PDE4D: variants seen among roughly 807,000 people sequenced by gnomAD.
PDE4D encodes the protein 3',5'-cyclic-AMP phosphodiesterase 4D.
Under a neutral mutation model 87.4 loss-of-function variants are expected in PDE4D, and 24 were observed. The ratio of observed to expected loss-of-function variants is 0.27; its 90% CI spans 0.20 to 0.39. The LOEUF is 0.39. PDE4D is among the 10% of genes least tolerant of loss of function. The probability of loss-of-function intolerance (pLI) is 1.00; values close to 1 mark genes in which losing one functional copy is unlikely to be tolerated. For synonymous variants in PDE4D, 384 were observed against 383.2 expected, an observed-to-expected ratio of 1.00 and a Z score of -0.02; for missense variants, 714 against 1,041.0, an observed-to-expected ratio of 0.69 and a Z score of 4.32.
intron 1 of PDE4D, among the ~76,000 whole-genome samples, chr5:60,359,744 T>G (rs1390075364): frequency 6.6e-6 from 1 of 152,212 alleles, no homozygotes; most frequent in East Asian, 1.9e-4. Context: ...AAGCTGTTGT[T>G]GCACACTATC....
chr5:59,160,697 T>C (rs966884783), intron 5 of PDE4D, among the ~76,000 whole-genome samples: 2 of 152,154 alleles, frequency 1.3e-5, no homozygotes, highest in Non-Finnish European at 2.9e-5. Context: ...CCCTAAGTGC[T>C]TAGCACACCA....
chr5:59,055,100 T>C (rs1450141326), intron 5 of PDE4D, among the ~76,000 whole-genome samples: 1 of 152,130 alleles, frequency 6.6e-6, no homozygotes, highest in Admixed American at 6.5e-5. Flanking sequence ...AGATAGACCA[T>C]ATGAATGAAT....
intron 1 of PDE4D, among the ~76,000 whole-genome samples, chr5:59,757,029 C>T (rs1408041447): frequency 6.6e-6 from 1 of 151,986 alleles, no homozygotes; most frequent in Non-Finnish European, 1.5e-5. Flanking sequence ...AACTCCTGAC[C>T]TCAAGTGATC....
chr5:59,397,137 T>C (rs1789575820), intron 1 of PDE4D, among the ~76,000 whole-genome samples: 1 of 121,736 alleles, frequency 8.2e-6, no homozygotes, highest in African/African-American at 3.3e-5. Flanking sequence ...AATGGGAGAC[T>C]TTAACACCCC....
In PDE4D at chr5:59,042,594, CAG is replaced by C. The variant is rs766187716; in HGVS notation, c.809-3625_809-3624del. 9.2e-5 allele frequency among the ~76,000 whole-genome samples: 14 copies of C among 152,236 alleles called. No homozygotes were observed. In the South Asian group the frequency reaches 1.7e-3, roughly 18 times the overall value. Reference sequence around the variant, plus strand: ...AATCTTGCTAAGTCAAGGAACTAAACAGAGAAAAACACCCAAGCAAAAACTAT... The same window carrying C: ...AATCTTGCTAAGTCAAGGAACTAAACAGAAAAACACCCAAGCAAAAACTAT... On this transcript the variant is annotated intron_variant, in intron 5 of 14. Transcript: ENST00000340635.
Position 59,035,240 on chromosome 5 carries a change from T to C in PDE4D, c.921+3619A>G, listed in dbSNP as rs543871999. ...AATTAGTAAGGTCTGCATTTTCAGT[T>C]TTAGAGTAAAACAGGAAAAGTACTT... On this transcript the variant is annotated intron_variant, in intron 6 of 14. Coordinates refer to ENST00000340635, the MANE Select transcript of PDE4D (RefSeq NM_001104631.2). Among the ~76,000 whole-genome samples the C allele has an allele frequency of 6.6e-5, 10 of 152,362 alleles. No individual in the cohort carries two copies. The South Asian group carries it at 1.9e-3, about 28-fold the overall frequency.
chr5:59,273,604 A>G (rs184892061), intron 1 of PDE4D, among the ~76,000 whole-genome samples: 155 of 152,218 alleles, frequency 1.0e-3, no homozygotes, highest in African/African-American at 3.4e-3. Flanking sequence ...AGAGGTTTCT[A>G]TAGTGTGTAG....
intron 1 of PDE4D, among the ~76,000 whole-genome samples, chr5:60,220,818 CT>C (rs1744409309): frequency 1.3e-5 from 2 of 152,158 alleles, no homozygotes; most frequent in East Asian, 3.9e-4. Context: ...AGTGAAATAC[CT>C]ACTTCACTTA....
intron 1 of PDE4D, chr5:59,586,683 G>T: frequency 1.0e-6 from 1 of 985,270 alleles, no homozygotes; most frequent in African/African-American, 1.7e-5. Flanking sequence ...CTAAATGGTG[G>T]CAAATATTGT....
chr5:59,772,950 A>G (rs1763722608), intron 1 of PDE4D, among the ~76,000 whole-genome samples: 2 of 152,216 alleles, frequency 1.3e-5, no homozygotes, highest in Non-Finnish European at 2.9e-5. Context: ...GATCTGTGAA[A>G]TAGGACGATA....
intron 1 of PDE4D, among the ~76,000 whole-genome samples, chr5:60,389,523 C>T (rs1762427821): frequency 6.6e-6 from 1 of 152,106 alleles, no homozygotes; most frequent in African/African-American, 2.4e-5. Context: ...TACCTTAAAA[C>T]TTAGTAGCTG....
chr5:59,697,451 TTTCTATG>T (rs1246195920), intron 1 of PDE4D, among the ~76,000 whole-genome samples: 4 of 152,140 alleles, frequency 2.6e-5, no homozygotes, highest in Non-Finnish European at 5.9e-5. Context: ...TAACAGGAAC[TTTCTATG>T]TTCTATGTAC....
chr5:60,387,544 G>T (rs1762274752), intron 1 of PDE4D, among the ~76,000 whole-genome samples: 1 of 152,212 alleles, frequency 6.6e-6, no homozygotes, highest in African/African-American at 2.4e-5. Flanking sequence ...GGTGACAGGG[G>T]CAGAGATGCC....
intron 1 of PDE4D, among the ~76,000 whole-genome samples, chr5:59,622,471 A>C (rs922992075): frequency 6.6e-6 from 1 of 152,150 alleles, no homozygotes; most frequent in African/African-American, 2.4e-5. Flanking sequence ...TCTCCATCCA[A>C]GTTCAGATCT....
chr5:59,551,992 G>A (rs756490422), intron 1 of PDE4D, among the ~76,000 whole-genome samples: 1 of 152,110 alleles, frequency 6.6e-6, no homozygotes, highest in Non-Finnish European at 1.5e-5. Flanking sequence ...AACACAGGCG[G>A]ATTGCTTGAG....
chr5:59,357,986 A>C (rs1781649703), intron 1 of PDE4D, among the ~76,000 whole-genome samples: 1 of 152,242 alleles, frequency 6.6e-6, no homozygotes, highest in South Asian at 2.1e-4. Flanking sequence ...GAACTGGACA[A>C]AATTGACCAA....
At chr5:59,914,866 GGTGTGTGTGT>G (rs3062699) in intron 3 of PDE4D, among the ~76,000 whole-genome samples, 1,452 of 122,562 alleles carry the variant, frequency 0.012, 3 homozygotes, top group East Asian at 0.035. Flanking sequence ...TACTGATAGG[GGTGTGTGTGT>G]GTGTGTGTGT....
chr5:59,387,160 T>C (rs1393941068), intron 1 of PDE4D, among the ~76,000 whole-genome samples: 3 of 152,168 alleles, frequency 2.0e-5, no homozygotes, highest in Admixed American at 2.0e-4. Flanking sequence ...CCCAACCCCA[T>C]TACTCTGTAA....
chr5:59,294,648 A>T (rs1359408143), intron 1 of PDE4D, among the ~76,000 whole-genome samples: 1 of 152,212 alleles, frequency 6.6e-6, no homozygotes, highest in Non-Finnish European at 1.5e-5. Context: ...ATTACATTAA[A>T]TAGTGCAGGT....
Sources: allele counts gnomAD v4.1 joint callset (sites outside exome capture counted in the v4.1 genomes callset), GRCh38; gene constraint gnomAD v4.1.1; transcripts MANE v1.5; gene names NCBI Gene and HGNC (gene_info 2026-07-23, HGNC 2026-07-21).